Variants in ZDHHC14 observed in about 807,000 individuals in gnomAD.
ZDHHC14 encodes palmitoyltransferase ZDHHC14.
In ZDHHC14, 16 loss-of-function variants were observed where a neutral mutation model predicts 47.7. The ratio of observed to expected loss-of-function variants is 0.34; its 90% CI spans 0.23 to 0.51. The LOEUF (loss-of-function observed/expected upper bound fraction) is 0.51. Ranked by LOEUF, ZDHHC14 falls within the 20% of genes least tolerant of loss-of-function variation. ZDHHC14 has a pLI of 0.97. For synonymous variants in ZDHHC14, 293 were observed against 278.9 expected, an observed-to-expected ratio of 1.05 and a Z score of -0.50; for missense variants, 515 against 662.5, an observed-to-expected ratio of 0.78 and a Z score of 2.44.
chr6:157,663,087 A>C (rs1778412214), intron 8 of ZDHHC14, among the ~76,000 whole-genome samples: 1 of 152,206 alleles, frequency 6.6e-6, no homozygotes, highest in African/African-American at 2.4e-5. Flanking sequence ...TAGATGGATA[A>C]ATTTAAAAGT....
intron 1 of ZDHHC14, among the ~76,000 whole-genome samples, chr6:157,436,598 A>AG (rs35523004): frequency 4.9e-5 from 7 of 142,732 alleles, no homozygotes; most frequent in East Asian, 2.2e-4. Flanking sequence ...GGGCGGGTAA[A>AG]GGGGGGTTGC....
intron 2 of ZDHHC14, among the ~76,000 whole-genome samples, chr6:157,580,712 T>TTTTGTG (rs112978484): frequency 2.0e-5 from 3 of 148,792 alleles, no homozygotes; most frequent in Non-Finnish European, 4.5e-5. Flanking sequence ...TTTTTGTGTT[T>TTTTGTG]TGTGTGTGTG....
At chr6:157,670,203 C>G (rs951002845) in intron 8 of ZDHHC14, among the ~76,000 whole-genome samples, 9 of 152,224 alleles carry the variant, frequency 5.9e-5, no homozygotes, top group Non-Finnish European at 1.3e-4. Flanking sequence ...CACCTGACAG[C>G]TTGGAGAAGC....
At chr6:157,426,928 G>A (rs1328333483) in intron 1 of ZDHHC14, among the ~76,000 whole-genome samples, 1 of 152,244 alleles carries the variant, frequency 6.6e-6, no homozygotes, top group African/African-American at 2.4e-5. Flanking sequence ...GAGGGACCAG[G>A]AAGTGGGCGC....
intron 1 of ZDHHC14, among the ~76,000 whole-genome samples, chr6:157,485,361 C>T (rs146182696): frequency 0.012 from 1,900 of 152,264 alleles, 34 homozygotes; most frequent in African/African-American, 0.043. Flanking sequence ...AAGGTCTCCA[C>T]GAGGAAGTAT....
intron 8 of ZDHHC14, among the ~76,000 whole-genome samples, chr6:157,665,523 T>C (rs1778516256): frequency 6.6e-6 from 1 of 152,192 alleles, no homozygotes; most frequent in South Asian, 2.1e-4. Flanking sequence ...GCCATCTTAT[T>C]TTAGGACCAG....
At chr6:157,504,970 C>T (rs1253711565) in intron 1 of ZDHHC14, among the ~76,000 whole-genome samples, 1 of 151,594 alleles carries the variant, frequency 6.6e-6, no homozygotes, top group Non-Finnish European at 1.5e-5. Flanking sequence ...GCCACCACAC[C>T]CGGCTAATTT....
chr6:157,449,504 C>G (rs1289197666), intron 1 of ZDHHC14, among the ~76,000 whole-genome samples: 2 of 152,164 alleles, frequency 1.3e-5, no homozygotes, highest in South Asian at 4.1e-4. Flanking sequence ...GACTTCTGTC[C>G]CCCTGACATC....
At chr6:157,617,943 A>G (rs9355809) in intron 3 of ZDHHC14, among the ~76,000 whole-genome samples, 71,057 of 152,128 alleles carry the variant, frequency 0.47, 18,537 homozygotes, top group East Asian at 0.86. Context: ...ACCAGAAAGC[A>G]TTACAAATGC....
chr6:157,599,754 A>C (rs967795550), intron 3 of ZDHHC14, among the ~76,000 whole-genome samples: 1 of 152,272 alleles, frequency 6.6e-6, no homozygotes, highest in Non-Finnish European at 1.5e-5. Context: ...AGAAAACAGC[A>C]ACCAATAGGT....
At chr6:157,576,864 A>C (rs1007358378) in intron 2 of ZDHHC14, among the ~76,000 whole-genome samples, 1 of 152,162 alleles carries the variant, frequency 6.6e-6, no homozygotes, top group African/African-American at 2.4e-5. Flanking sequence ...GTAAGGAAAG[A>C]ATTTTTTTTT....
intron 7 of ZDHHC14, among the ~76,000 whole-genome samples, chr6:157,650,527 G>A (rs1446348133): frequency 3.9e-5 from 6 of 152,012 alleles, no homozygotes; most frequent in Admixed American, 3.9e-4. Flanking sequence ...TGGGATGCTG[G>A]CCGAGAACGC....
chr6:157,635,283 G>T (rs781181565), intron 5 of ZDHHC14, among the ~76,000 whole-genome samples: 7 of 152,172 alleles, frequency 4.6e-5, no homozygotes, highest in Admixed American at 3.3e-4. Flanking sequence ...GTGAGCTACC[G>T]CGCCCAGCCA....
chr6:157,673,819 C>T lies in ZDHHC14; in HGVS notation c.*697C>T, dbSNP rs1778916680. On this transcript the variant is annotated 3_prime_UTR_variant, in exon 9 of 9. Transcript: ENST00000359775. The surrounding 1 kb of genome is among the most constrained non-coding windows in gnomAD (Gnocchi z 5.4). ...GTCGTGTCGGGTGTCACTTCACCTTCTGTTTGGCCGCTCGATGAGGTCTCG... is the reference window on the plus strand; with the variant it reads ...GTCGTGTCGGGTGTCACTTCACCTTTTGTTTGGCCGCTCGATGAGGTCTCG... The T allele has an allele frequency of 1.3e-5, 2 of 152,572 alleles. No individual in the cohort carries two copies. Among genetic ancestry groups the T allele is most frequent in the Admixed American group, 6.5e-5 (1 of 15,270 alleles). The allele number at this position is 152,572 out of a possible 1,614,324, so 9.5% of individuals were successfully genotyped here. A position where few individuals can be genotyped will look rare whatever the true frequency, so the allele number is the denominator to read the frequency against.
chr6:157,428,465 T>TA (rs900421825), intron 1 of ZDHHC14, among the ~76,000 whole-genome samples: 61 of 149,430 alleles, frequency 4.1e-4, no homozygotes, highest in African/African-American at 1.2e-3. Context: ...AAATTCCCAT[T>TA]AAAAAAAAAA....
intron 1 of ZDHHC14, among the ~76,000 whole-genome samples, chr6:157,528,624 C>T (rs1781251157): frequency 6.6e-6 from 1 of 151,736 alleles, no homozygotes; most frequent in South Asian, 2.1e-4. Context: ...CCCAGCTACT[C>T]GGGAGGTTGA....
Position 157,391,196 on chromosome 6 carries a change from A to G in ZDHHC14, c.245+8930A>G, listed in dbSNP as rs374951818. Among the ~76,000 whole-genome samples, 30 of 152,322 alleles carry G rather than the reference A, an allele frequency of 2.0e-4. No homozygotes were observed. The East Asian group carries it at 5.2e-3, about 26-fold the overall frequency. ...TTTAAATGCTTCACAGTCCAGGACC[A>G]GCTTACCAAACAGTGGAAGATTTCT... On this transcript the variant is annotated intron_variant, in intron 1 of 8. Coordinates refer to ENST00000359775, the MANE Select transcript of ZDHHC14 (RefSeq NM_024630.3).
At chr6:157,487,691 T>A (rs932033530) in intron 1 of ZDHHC14, among the ~76,000 whole-genome samples, 4 of 152,222 alleles carry the variant, frequency 2.6e-5, no homozygotes, top group Admixed American at 2.0e-4. Context: ...ATGGTTGGAA[T>A]CAGAGCTTTT....
intron 1 of ZDHHC14, among the ~76,000 whole-genome samples, chr6:157,419,849 G>GT (rs1778060721): frequency 6.6e-6 from 1 of 152,200 alleles, no homozygotes; most frequent in Non-Finnish European, 1.5e-5. Flanking sequence ...GTTTAGCTGT[G>GT]TAGGAAACCA....
Sources: allele counts gnomAD v4.1 joint callset (sites outside exome capture counted in the v4.1 genomes callset), GRCh38; gene constraint gnomAD v4.1.1; non-coding constraint Gnocchi (gnomAD v3.1); transcripts MANE v1.5; gene names NCBI Gene and HGNC (gene_info 2026-07-23, HGNC 2026-07-21).